NRG3: variants seen among roughly 807,000 people sequenced by gnomAD.
NRG3 encodes the protein pro-neuregulin-3, membrane-bound isoform.
Under a neutral mutation model 66.9 loss-of-function variants are expected in NRG3, and 31 were observed. The ratio of observed to expected loss-of-function variants is 0.46; its 90% CI spans 0.35 to 0.63. The LOEUF (loss-of-function observed/expected upper bound fraction) is 0.63, where lower values mean the gene tolerates loss of function less well. Ranked by LOEUF, NRG3 falls within the 20% of genes least tolerant of loss-of-function variation. The probability of loss-of-function intolerance (pLI) is 0.00; values close to 1 mark genes in which losing one functional copy is unlikely to be tolerated. For missense variants in NRG3, 910 were observed against 878.9 expected (o/e 1.04, Z -0.45); for synonymous variants, 393 against 359.4 (o/e 1.09, Z -1.06).
intron 1 of NRG3, among the ~76,000 whole-genome samples, chr10:82,058,690 T>C (rs2063973923): frequency 6.6e-6 from 1 of 152,132 alleles, no homozygotes; most frequent in Admixed American, 6.6e-5. Context: ...CACAAGTTTT[T>C]GGTGTTTTTT....
intron 1 of NRG3, among the ~76,000 whole-genome samples, chr10:81,950,955 G>GA (rs10713625): frequency 3.3e-5 from 5 of 149,850 alleles, no homozygotes; most frequent in East Asian, 2.0e-4. Context: ...TTGCCCTTGA[G>GA]AAAAAAAAAA....
At chr10:81,960,603 G>GTC (rs1168174294) in intron 1 of NRG3, among the ~76,000 whole-genome samples, 1 of 151,704 alleles carries the variant, frequency 6.6e-6, no homozygotes, top group Non-Finnish European at 1.5e-5. Flanking sequence ...TTAGTGCAGT[G>GTC]TCTCGGTAAT....
intron 1 of NRG3, among the ~76,000 whole-genome samples, chr10:82,083,619 C>T (rs1291309859): frequency 1.5e-5 from 2 of 136,136 alleles, no homozygotes; most frequent in African/African-American, 2.7e-5. Flanking sequence ...TTTTTTGAGA[C>T]AGAGTTTCGC....
intron 1 of NRG3, among the ~76,000 whole-genome samples, chr10:82,001,923 T>C (rs756451644): frequency 2.2e-4 from 33 of 152,198 alleles, no homozygotes; most frequent in Non-Finnish European, 7.3e-5. Flanking sequence ...CACAAAATCA[T>C]GATACAACTA....
At chr10:82,013,254 C>T (rs562529417) in intron 1 of NRG3, among the ~76,000 whole-genome samples, 3 of 152,120 alleles carry the variant, frequency 2.0e-5, no homozygotes, top group South Asian at 2.1e-4. Flanking sequence ...ATAAAACCAT[C>T]AGATTTTGTG....
Position 82,648,884 on chromosome 10 carries a change from G to T in NRG3, c.954-89693G>T, listed in dbSNP as rs184399654. Among the ~76,000 whole-genome samples, 324 of 152,198 alleles carry T rather than the reference G, an allele frequency of 2.1e-3. 1 individual carries two copies. Among genetic ancestry groups the T allele is most frequent in the African/African-American group, 3.7e-3 (153 of 41,512 alleles). On this transcript the variant is annotated intron_variant, in intron 2 of 8. Transcript: ENST00000372141. Reference sequence around the variant, plus strand: ...ACCCTGAGACTTTGCTGAAGTTGCTGATCAGCTTAAGGAGATTTTGGGCTG... The same window carrying T: ...ACCCTGAGACTTTGCTGAAGTTGCTTATCAGCTTAAGGAGATTTTGGGCTG...
At chr10:82,020,126 C>G (rs2061993934) in intron 1 of NRG3, among the ~76,000 whole-genome samples, 1 of 152,044 alleles carries the variant, frequency 6.6e-6, no homozygotes, top group Non-Finnish European at 1.5e-5. Context: ...AATTATAGCA[C>G]AAATGTGTCA....
intron 2 of NRG3, among the ~76,000 whole-genome samples, chr10:82,710,738 C>T (rs912413010): frequency 6.6e-6 from 1 of 150,776 alleles, no homozygotes; most frequent in African/African-American, 2.4e-5. Flanking sequence ...TTTTATGACA[C>T]AAATGGGTCA....
At chr10:82,376,153 T>A (rs2085218073) in intron 2 of NRG3, among the ~76,000 whole-genome samples, 1 of 152,064 alleles carries the variant, frequency 6.6e-6, no homozygotes, top group Non-Finnish European at 1.5e-5. Flanking sequence ...GTTCCAGGGG[T>A]GTCGCTGAAC....
At chr10:81,921,446 C>T (rs1444237342) in intron 1 of NRG3, among the ~76,000 whole-genome samples, 1 of 152,074 alleles carries the variant, frequency 6.6e-6, no homozygotes, top group African/African-American at 2.4e-5. Context: ...TAATATCTAT[C>T]TGGATTTTTC....
In NRG3 at chr10:81,875,257, G is replaced by C. The variant is rs1260610870; in HGVS notation, c.-84G>C. ...GAGCCCGCCGCCGCCGCCGGAGCCCGCGCCCGCGCCCGCGCCCGGCCCGCG... is the reference window on the plus strand; with the variant it reads ...GAGCCCGCCGCCGCCGCCGGAGCCCCCGCCCGCGCCCGCGCCCGGCCCGCG... On this transcript the variant is annotated 5_prime_UTR_variant, in exon 1 of 9. Coordinates refer to ENST00000372141, the MANE Select transcript of NRG3 (RefSeq NM_001010848.4). This position sits in a 1 kb window ranked among gnomAD's most constrained non-coding sequence, Gnocchi z 5.3. The C allele has an allele frequency of 1.1e-6, 1 of 891,776 alleles. No individual in the cohort carries two copies. The highest frequency in any genetic ancestry group is 1.9e-5 in the African/African-American group (1 of 53,714). The allele number at this position is 891,776 out of a possible 1,614,324, so 55.2% of individuals were successfully genotyped here. A position where few individuals can be genotyped will look rare whatever the true frequency, so the allele number is the denominator to read the frequency against.
At chr10:82,682,918 G>A (rs1014925445) in intron 2 of NRG3, among the ~76,000 whole-genome samples, 1 of 145,084 alleles carries the variant, frequency 6.9e-6, no homozygotes, top group Admixed American at 6.9e-5. Context: ...CTCCCAAACA[G>A]ATTTGTGAAA....
At chr10:82,071,408 A>G (rs1330835979) in intron 1 of NRG3, among the ~76,000 whole-genome samples, 1 of 152,170 alleles carries the variant, frequency 6.6e-6, no homozygotes, top group African/African-American at 2.4e-5. Flanking sequence ...TGATAAAGTG[A>G]CAAGTGATTC....
At chr10:82,210,435 G>A (rs2075340545) in intron 1 of NRG3, among the ~76,000 whole-genome samples, 1 of 152,198 alleles carries the variant, frequency 6.6e-6, no homozygotes, top group Admixed American at 6.5e-5. Flanking sequence ...CAAGGTGCCA[G>A]CCTGCTGGAC....
chr10:82,792,368 G>A (rs906624368), intron 3 of NRG3, among the ~76,000 whole-genome samples: 3 of 152,060 alleles, frequency 2.0e-5, no homozygotes, highest in Non-Finnish European at 2.9e-5. Context: ...ATTCTGCTGG[G>A]TACTCAAAGG....
intron 3 of NRG3, among the ~76,000 whole-genome samples, chr10:82,813,213 T>C (rs1392026655): frequency 7.3e-6 from 1 of 137,718 alleles, no homozygotes; most frequent in Admixed American, 7.0e-5. Flanking sequence ...CTGTTTCTCT[T>C]TTTTTTTTTT....
chr10:81,989,457 G>A (rs2060652001), intron 1 of NRG3, among the ~76,000 whole-genome samples: 1 of 152,020 alleles, frequency 6.6e-6, no homozygotes, highest in Non-Finnish European at 1.5e-5. Context: ...GCAAAGAAAC[G>A]CAAAAGTGAC....
chr10:82,216,895 T>A (rs1263149217), intron 1 of NRG3, among the ~76,000 whole-genome samples: 1 of 152,140 alleles, frequency 6.6e-6, no homozygotes, highest in Non-Finnish European at 1.5e-5. Flanking sequence ...GAAGATCAGA[T>A]CTCAAATATC....
At chr10:82,523,833 C>T (rs1038449596) in intron 2 of NRG3, among the ~76,000 whole-genome samples, 3 of 152,084 alleles carry the variant, frequency 2.0e-5, no homozygotes, top group African/African-American at 7.2e-5. Context: ...TTTTTGGCTC[C>T]AAGTGTGGTT....
Sources: allele counts gnomAD v4.1 joint callset (sites outside exome capture counted in the v4.1 genomes callset), GRCh38; gene constraint gnomAD v4.1.1; non-coding constraint Gnocchi (gnomAD v3.1); transcripts MANE v1.5; gene names NCBI Gene and HGNC (gene_info 2026-07-23, HGNC 2026-07-21).